Variants in PCDHA2 observed in about 807,000 individuals in gnomAD.
The protein encoded by PCDHA2 is protocadherin alpha 2.
Under a neutral mutation model 66.0 loss-of-function variants are expected in PCDHA2, and 58 were observed. That is an observed-to-expected ratio of 0.88 (90% CI 0.71 to 1.09). The LOEUF is 1.09. Ranked by LOEUF, PCDHA2 falls within the 50% of genes least tolerant of loss-of-function variation. PCDHA2 has a pLI of 0.00. For synonymous variants in PCDHA2, 634 were observed against 554.0 expected (o/e 1.14, Z -2.03); for missense variants, 1,267 against 1,242.3 (o/e 1.02, Z -0.30).
rs782205660 is a variant in PCDHA2 at position 140,795,916 on chromosome 5, A to G, written c.952A>G (p.Ile318Val). The G allele has an allele frequency of 6.2e-6, 10 of 1,613,974 alleles. No individual in the cohort carries two copies. The highest frequency in any genetic ancestry group is 7.6e-6 in the Non-Finnish European group (9 of 1,179,884). Reference protein sequence around the residue: ...LDYEEAKSYEIQVTATDKGTP... With the variant: ...LDYEEAKSYEVQVTATDKGTP... ...TTATGAAGAAGCAAAGTCCTACGAG[A>G]TTCAGGTCACTGCAACTGACAAAGG... Residue 318 changes from isoleucine to valine, a missense_variant, in exon 1 of 4, where the codon ATT becomes GTT. Transcript: ENST00000526136.
chr5:140,822,599 A>G, intron 1 of PCDHA2: 1 of 1,612,082 alleles, frequency 6.2e-7, no homozygotes, highest in Admixed American at 1.7e-5. Context: ...ATCAATAAGG[A>G]AATAGTGTAT....
chr5:140,843,651 C>T (rs2150364559), intron 1 of PCDHA2: 1 of 1,595,120 alleles, frequency 6.3e-7, no homozygotes, highest in Non-Finnish European at 8.6e-7. Flanking sequence ...CCCTGCCTTC[C>T]TCCTGATCTG....
chr5:140,816,613 A>G (rs1207315967), intron 1 of PCDHA2: 1 of 151,942 alleles, frequency 6.6e-6, no homozygotes, highest in Non-Finnish European at 1.5e-5. Context: ...ATACATTTCA[A>G]AAAAACAAAA....
intron 1 of PCDHA2, chr5:140,884,217 T>C (rs782181432): frequency 6.2e-7 from 1 of 1,613,448 alleles, no homozygotes; most frequent in East Asian, 2.2e-5. Flanking sequence ...CTTCTGGTGC[T>C]GGTGAAGGAC....
At chr5:140,823,057 G>T in intron 1 of PCDHA2, 18 of 1,614,174 alleles carry the variant, frequency 1.1e-5, no homozygotes, top group East Asian at 2.2e-5. Context: ...GACCGCGCGG[G>T]ACGGGGGCTC....
rs2150326253 is a variant in PCDHA2 at position 140,841,946 on chromosome 5, C to A, written c.2388+44594C>A. 13 of 1,613,790 alleles carry A rather than the reference C, an allele frequency of 8.1e-6. No homozygotes were observed. The highest frequency in any genetic ancestry group is 2.7e-5 in the African/African-American group (2 of 74,876). ...GGACAGAGAGGACGCTCCTGCGCAC[C>A]ACTTATTCCTGACAGCCACAGATGG... On this transcript the variant is annotated intron_variant, in intron 1 of 3. Coordinates refer to ENST00000526136, the MANE Select transcript of PCDHA2 (RefSeq NM_018905.3).
At chr5:140,888,706 T>G (rs1554183604) in intron 1 of PCDHA2, among the ~76,000 whole-genome samples, 1 of 152,196 alleles carries the variant, frequency 6.6e-6, no homozygotes, top group African/African-American at 2.4e-5. Context: ...TTGGTAGGAA[T>G]GTGAAATATT....
At chr5:140,835,826 C>G in intron 1 of PCDHA2, 4 of 1,612,456 alleles carry the variant, frequency 2.5e-6, no homozygotes, top group Non-Finnish European at 3.4e-6. Context: ...CGGCGGGGGA[C>G]GCGGACGCGC....
rs2150371932 is a variant in PCDHA2 at position 140,844,548 on chromosome 5, G to A, written c.2388+47196G>A. Among the ~76,000 whole-genome samples, 6 of 149,134 alleles carry A rather than the reference G, an allele frequency of 4.0e-5. 1 individual carries two copies. Among genetic ancestry groups the A allele is most frequent in the Non-Finnish European group, 7.5e-5 (5 of 66,700 alleles). ...TCTAATCATTCAACCCTTTGTTCAT[G>A]AGTTGGAATATTTTCAATAATATTC... On this transcript the variant is annotated intron_variant, in intron 1 of 3. Transcript: ENST00000526136.
In PCDHA2 at chr5:140,870,098, A is replaced by G. The variant is rs181372298; in HGVS notation, c.2388+72746A>G. 3.1e-6 allele frequency: 5 copies of G among 1,613,860 alleles called. No individual in the cohort carries two copies. The East Asian group carries it at 1.1e-4, about 36-fold the overall frequency. On this transcript the variant is annotated intron_variant, in intron 1 of 3. Transcript: ENST00000526136. ...AAGGGGACTCCCCCAATGGCAGGTC[A>G]CTGTACAGTCTGGGTGGAAATCTTG... is the stretch of plus-strand genomic sequence containing the variant.
chr5:140,959,795 T>G (rs2095511248), intron 1 of PCDHA2, among the ~76,000 whole-genome samples: 1 of 152,180 alleles, frequency 6.6e-6, no homozygotes, highest in Non-Finnish European at 1.5e-5. Flanking sequence ...CATGGCTAAT[T>G]TAGAGGATTT....
chr5:140,822,298 G>A (rs782270445), intron 1 of PCDHA2: 4 of 1,614,222 alleles, frequency 2.5e-6, no homozygotes, highest in Non-Finnish European at 3.4e-6. Flanking sequence ...AAATCCAAAC[G>A]AATATTTTGA....
At chr5:140,802,207 T>C (rs1762868558) in intron 1 of PCDHA2, 2 of 1,614,242 alleles carry the variant, frequency 1.2e-6, no homozygotes, top group Non-Finnish European at 8.5e-7. Flanking sequence ...TGCACAGTTC[T>C]ACTCGAAATT....
chr5:140,939,510 A>G (rs2092401222), intron 1 of PCDHA2, among the ~76,000 whole-genome samples: 1 of 150,724 alleles, frequency 6.6e-6, no homozygotes, highest in Admixed American at 6.6e-5. Flanking sequence ...TGTCTATAAC[A>G]TTAATAGTTA....
intron 1 of PCDHA2, chr5:140,869,908 CGAGACGAAG>C: frequency 6.2e-7 from 1 of 1,610,646 alleles, no homozygotes; most frequent in Non-Finnish European, 8.5e-7. Context: ...CGCCACAGAC[CGAGACGAAG>C]GAGTCAATGG....
intron 1 of PCDHA2, among the ~76,000 whole-genome samples, chr5:140,846,033 A>T (rs1301242129): frequency 6.7e-6 from 1 of 149,692 alleles, no homozygotes; most frequent in East Asian, 1.9e-4. Flanking sequence ...GAGTTTAGGA[A>T]AGTCAAGTTA....
intron 1 of PCDHA2, chr5:140,822,801 G>A (rs2150119424): frequency 1.2e-6 from 2 of 1,614,152 alleles, no homozygotes; most frequent in East Asian, 2.2e-5. Flanking sequence ...TCCTGGATGT[G>A]AATGATAATA....
chr5:140,995,679 T>C (rs2153934903), intron 3 of PCDHA2, among the ~76,000 whole-genome samples: 1 of 152,322 alleles, frequency 6.6e-6, no homozygotes, highest in Non-Finnish European at 1.5e-5. Context: ...GCAGCATTTT[T>C]TTTAATTGTT....
At chr5:140,992,820 TG>T (rs1554253214) in intron 3 of PCDHA2, among the ~76,000 whole-genome samples, 1 of 152,164 alleles carries the variant, frequency 6.6e-6, no homozygotes, top group Non-Finnish European at 1.5e-5. Flanking sequence ...AGGATGTGTT[TG>T]TTTTTTGGGA....
Sources: gnomAD v4.1 joint callset for allele counts (sites outside exome capture counted in the v4.1 genomes callset) on GRCh38, gnomAD v4.1.1 for gene constraint, MANE v1.5 for transcripts, NCBI Gene and HGNC (gene_info 2026-07-23, HGNC 2026-07-21) for gene names.